The following MAOB variants were observed in gnomAD, a reference collection of about 807,000 sequenced individuals.
MAOB encodes amine oxidase [flavin-containing] B.
MAOB carries 15 observed loss-of-function variants against 41.9 expected under a neutral mutation model. The ratio of observed to expected loss-of-function variants is 0.36; its 90% CI spans 0.24 to 0.55. The LOEUF is 0.55. Ranked by LOEUF, MAOB falls within the 20% of genes least tolerant of loss-of-function variation. The pLI is 0.86. For synonymous variants in MAOB, 167 were observed against 144.2 expected, an observed-to-expected ratio of 1.16 and a Z score of -1.13; for missense variants, 345 against 398.7, an observed-to-expected ratio of 0.87 and a Z score of 1.15.
intron 7 of MAOB, among the ~76,000 whole-genome samples, chrX:43,794,795 C>T (rs751737762): frequency 1.8e-4 from 20 of 109,777 alleles, no homozygotes; most frequent in Non-Finnish European, 3.0e-4. Context: ...TTGTTGACTT[C>T]GGCTTTGATT....
chrX:43,853,984 TACTA>T (rs774608832), intron 1 of MAOB, among the ~76,000 whole-genome samples: 2 of 112,751 alleles, frequency 1.8e-5, no homozygotes, highest in Non-Finnish European at 3.7e-5. Context: ...TTATCTTCTG[TACTA>T]ACTAACTTCA....
intron 11 of MAOB, among the ~76,000 whole-genome samples, chrX:43,776,658 G>C (rs2034260989): frequency 9.1e-6 from 1 of 110,265 alleles, no homozygotes; most frequent in Non-Finnish European, 1.9e-5. Context: ...TGTGCACAAC[G>C]TGCAGGTTAG....
chrX:43,797,656 T>C (rs1056305603), intron 5 of MAOB, among the ~76,000 whole-genome samples: 19 of 111,919 alleles, frequency 1.7e-4, no homozygotes, highest in East Asian at 5.7e-4. Context: ...ATCCAATTCA[T>C]TGGGAAGTCC....
intron 1 of MAOB, among the ~76,000 whole-genome samples, chrX:43,860,310 A>G (rs773281706): frequency 8.9e-6 from 1 of 111,919 alleles, no homozygotes; most frequent in South Asian, 3.8e-4. Context: ...TCTATGTAAT[A>G]ATCATGTCAA....
chrX:43,832,469 G>A (rs2035029245), intron 3 of MAOB, among the ~76,000 whole-genome samples: 1 of 111,508 alleles, frequency 9.0e-6, no homozygotes, highest in Non-Finnish European at 1.9e-5. Flanking sequence ...AAGACAGGAA[G>A]ACCGACTTTT....
At chrX:43,853,203 G>A (rs1458322479) in intron 1 of MAOB, among the ~76,000 whole-genome samples, 1 of 104,553 alleles carries the variant, frequency 9.6e-6, no homozygotes, top group Non-Finnish European at 2.0e-5. Context: ...GGGAGGCGGA[G>A]GTTGCAATGA....
intron 3 of MAOB, among the ~76,000 whole-genome samples, chrX:43,827,918 C>T (rs2034969372): frequency 8.9e-6 from 1 of 111,829 alleles, no homozygotes; most frequent in African/African-American, 3.3e-5. Flanking sequence ...ACCTTAGCTC[C>T]AGCCTGGATA....
intron 10 of MAOB, among the ~76,000 whole-genome samples, chrX:43,779,292 G>A (rs2034300062): frequency 8.9e-6 from 1 of 111,841 alleles, no homozygotes; most frequent in Admixed American, 9.5e-5. Flanking sequence ...AATGGCACTG[G>A]GACAAATAGC....
chrX:43,784,178 C>A (rs774838470), intron 8 of MAOB, among the ~76,000 whole-genome samples: 23 of 112,259 alleles, frequency 2.0e-4, no homozygotes, highest in Non-Finnish European at 2.4e-4. Flanking sequence ...GAATCAACTT[C>A]TTCCAAACTC....
At chrX:43,793,278 T>C in intron 8 of MAOB, 141 bp downstream of exon 8, 1 of 456,943 alleles carries the variant, frequency 2.2e-6, no homozygotes, top group Non-Finnish European at 3.7e-6. Flanking sequence ...AACCTCAGCA[T>C]CATGCAACAT....
intron 8 of MAOB, among the ~76,000 whole-genome samples, chrX:43,792,676 A>G (rs1465876323): frequency 8.9e-6 from 1 of 112,088 alleles, no homozygotes; most frequent in African/African-American, 3.2e-5. Flanking sequence ...TATTATTAAA[A>G]AGTCAAAAAA....
chrX:43,804,455 A>AAGAGAG lies in MAOB; in HGVS notation c.280-1057_280-1052dup, dbSNP rs367565430. Among the ~76,000 whole-genome samples, 522 of 107,442 alleles carry AAGAGAG rather than the reference A, an allele frequency of 4.9e-3. 1 individual carries two copies. The highest frequency in any genetic ancestry group is 0.017 in the African/African-American group (490 of 29,625). The allele number at this position is 107,442 out of a possible 115,157, so 93.3% of individuals were successfully genotyped here. A position where few individuals can be genotyped will look rare whatever the true frequency, so the allele number is the denominator to read the frequency against. On this transcript the variant is annotated intron_variant, in intron 3 of 14. Coordinates refer to ENST00000378069, the MANE Select transcript of MAOB (RefSeq NM_000898.5). ...TTAGAGAAACAGAACCAACAGGAGAAAGAGAGAGAGAGAGAGAGAGAGATA... is the reference window on the plus strand; with the variant it reads ...TTAGAGAAACAGAACCAACAGGAGAAAGAGAGAGAGAGAGAGAGAGAGAGAGAGATA...
chrX:43,878,241 C>G (rs769296729), intron 1 of MAOB, among the ~76,000 whole-genome samples: 1 of 111,288 alleles, frequency 9.0e-6, no homozygotes, highest in Non-Finnish European at 1.9e-5. Context: ...AGCCTATTCT[C>G]CCCCTCCCAG....
At chrX:43,867,136 A>G (rs939709395) in intron 1 of MAOB, among the ~76,000 whole-genome samples, 2 of 112,084 alleles carry the variant, frequency 1.8e-5, no homozygotes, top group African/African-American at 6.5e-5. Context: ...ATAAGTGCCA[A>G]GGAGATTTGG....
At chrX:43,829,129 G>C (rs1468137910) in intron 3 of MAOB, among the ~76,000 whole-genome samples, 1 of 111,957 alleles carries the variant, frequency 8.9e-6, no homozygotes, top group Non-Finnish European at 1.9e-5. Flanking sequence ...CTTTAAAAAA[G>C]GGGAAATAGT....
intron 1 of MAOB, among the ~76,000 whole-genome samples, chrX:43,880,717 T>C (rs2035467779): frequency 8.9e-6 from 1 of 112,357 alleles, no homozygotes; most frequent in Admixed American, 9.4e-5. Flanking sequence ...CAGATGAGTC[T>C]AACATGAGTA....
chrX:43,881,857 T>A (rs1343370082), intron 1 of MAOB, among the ~76,000 whole-genome samples: 4 of 112,185 alleles, frequency 3.6e-5, no homozygotes, highest in African/African-American at 1.3e-4. Flanking sequence ...AACAATACGA[T>A]GTGGTGCATG....
chrX:43,786,039 G>A (rs2034394451), intron 8 of MAOB, among the ~76,000 whole-genome samples: 1 of 111,834 alleles, frequency 8.9e-6, no homozygotes, highest in Non-Finnish European at 1.9e-5. Flanking sequence ...GTGCAGGGTT[G>A]CCACAAACCT....
intron 8 of MAOB, among the ~76,000 whole-genome samples, chrX:43,783,618 A>T (rs2034363867): frequency 8.9e-6 from 1 of 112,344 alleles, no homozygotes; most frequent in Non-Finnish European, 1.9e-5. Context: ...TAAAAAAGCT[A>T]ACAATCATCT....
Sources: allele counts gnomAD v4.1 joint callset (sites outside exome capture counted in the v4.1 genomes callset), GRCh38; gene constraint gnomAD v4.1.1; transcripts MANE v1.5; gene names NCBI Gene and HGNC (gene_info 2026-07-23, HGNC 2026-07-21).